Variants in KIAA0319 observed in about 807,000 individuals in gnomAD.
KIAA0319 encodes KIAA0319.
KIAA0319 carries 83 observed loss-of-function variants against 108.4 expected under a neutral mutation model. That is an observed-to-expected ratio of 0.77 (90% CI 0.64 to 0.92). The LOEUF (loss-of-function observed/expected upper bound fraction) is 0.92. Ranked by LOEUF, KIAA0319 falls within the 40% of genes least tolerant of loss-of-function variation. The pLI, the probability that KIAA0319 is intolerant of heterozygous loss-of-function variation, is 0.00. For synonymous variants in KIAA0319, 484 were observed against 510.4 expected, an observed-to-expected ratio of 0.95 and a Z score of 0.70; for missense variants, 1,195 against 1,322.4, an observed-to-expected ratio of 0.90 and a Z score of 1.49.
At chr6:24,609,302 A>G (rs1437111562) in intron 1 of KIAA0319, among the ~76,000 whole-genome samples, 2 of 150,600 alleles carry the variant, frequency 1.3e-5, no homozygotes, top group Admixed American at 1.3e-4. Context: ...AAAAAAAAAA[A>G]AGAAAGTCCG....
intron 3 of KIAA0319, among the ~76,000 whole-genome samples, chr6:24,590,789 G>A (rs1768354752): frequency 6.6e-6 from 1 of 152,134 alleles, no homozygotes; most frequent in Non-Finnish European, 1.5e-5. Flanking sequence ...TCTCCAGGCT[G>A]GAATCACATG....
chr6:24,639,642 G>A (rs1337001755), intron 1 of KIAA0319, among the ~76,000 whole-genome samples: 2 of 152,166 alleles, frequency 1.3e-5, no homozygotes, highest in Admixed American at 6.5e-5. Flanking sequence ...GAGGTCAGGA[G>A]TTTCAAACCA....
chr6:24,556,183 C>T (rs1359836626), intron 18 of KIAA0319, among the ~76,000 whole-genome samples: 1 of 150,870 alleles, frequency 6.6e-6, no homozygotes, highest in Non-Finnish European at 1.5e-5. Context: ...CCCTCCCCTC[C>T]TCTGCCCTCC....
At chr6:24,581,034 G>C (rs754593578) in intron 6 of KIAA0319, 21 bp from the exon 7 acceptor site, 1 of 1,513,332 alleles carries the variant, frequency 6.6e-7, no homozygotes, top group Non-Finnish European at 9.2e-7. Flanking sequence ...AAGAAAAGTT[G>C]TACAGTTCAA....
intron 1 of KIAA0319, among the ~76,000 whole-genome samples, chr6:24,605,355 T>C (rs1243362999): frequency 2.0e-5 from 3 of 152,232 alleles, no homozygotes; most frequent in Admixed American, 2.0e-4. Flanking sequence ...GATAGTTCTG[T>C]GAAGTTCATC....
At chr6:24,600,518 C>A in intron 2 of KIAA0319, 1 of 706,044 alleles carries the variant, frequency 1.4e-6, no homozygotes, top group Non-Finnish European at 2.5e-6. Flanking sequence ...TAACAAGGGT[C>A]TCGCTAAGGT....
At chr6:24,561,834 C>T (rs1371471042) in intron 16 of KIAA0319, among the ~76,000 whole-genome samples, 3 of 152,162 alleles carry the variant, frequency 2.0e-5, no homozygotes, top group African/African-American at 7.2e-5. Context: ...TCTTGAGTAG[C>T]TGGAATTACA....
intron 1 of KIAA0319, among the ~76,000 whole-genome samples, chr6:24,611,025 A>G (rs1360843718): frequency 6.6e-6 from 1 of 152,252 alleles, no homozygotes; most frequent in Non-Finnish European, 1.5e-5. Flanking sequence ...GCCAGAAGCC[A>G]GTCAGGAAGA....
intron 1 of KIAA0319, among the ~76,000 whole-genome samples, chr6:24,630,702 T>TATAC (rs1775462119): frequency 1.0e-5 from 1 of 98,392 alleles, no homozygotes; most frequent in African/African-American, 5.1e-5. Flanking sequence ...TATATATATA[T>TATAC]ACACATATAC....
chr6:24,598,989 C>T (rs183343344), intron 2 of KIAA0319: 13 of 675,244 alleles, frequency 1.9e-5, no homozygotes, highest in South Asian at 1.5e-4. Context: ...GGAGGAGTCT[C>T]GCCTGGAAGG....
intron 2 of KIAA0319, chr6:24,600,590 T>G: frequency 2.5e-6 from 3 of 1,190,186 alleles, no homozygotes; most frequent in Non-Finnish European, 3.6e-6. Flanking sequence ...TCTAGTCATA[T>G]CACCACCCTC....
chr6:24,560,753 C>T (rs1762999801), intron 16 of KIAA0319, among the ~76,000 whole-genome samples: 1 of 152,210 alleles, frequency 6.6e-6, no homozygotes, highest in South Asian at 2.1e-4. Flanking sequence ...GTCTCTTGTC[C>T]TCTTCTTAGA....
Position 24,571,322 on chromosome 6 carries a change from T to C in KIAA0319, c.1858+1253A>G, listed in dbSNP as rs370529550. Among the ~76,000 whole-genome samples the C allele has an allele frequency of 2.7e-5, 4 of 149,228 alleles. No homozygotes were observed. The South Asian group carries it at 6.4e-4, about 24-fold the overall frequency. On this transcript the variant is annotated intron_variant, in intron 11 of 20. Transcript: ENST00000378214. ...TTTGGGAGGCCAAAGGTGAGAGAACTGCTTGAGTCCAGGAGTTTGAGACCA... is the reference window on the plus strand; with the variant it reads ...TTTGGGAGGCCAAAGGTGAGAGAACCGCTTGAGTCCAGGAGTTTGAGACCA...
Position 24,596,067 on chromosome 6 carries a change from G to A in KIAA0319, c.607C>T (p.Pro203Ser). 1 of 1,614,068 alleles carries A rather than the reference G, an allele frequency of 6.2e-7. No individual in the cohort carries two copies. Residue 203 changes from proline to serine, a missense_variant, in exon 3 of 21, where the codon CCT (proline) becomes TCT (serine). Physicochemically the swap from Pro to Ser is moderately conservative, Grantham distance 74 (BLOSUM62 -1). Coordinates refer to ENST00000378214, the MANE Select transcript of KIAA0319 (RefSeq NM_014809.4). Reference sequence around the variant, plus strand: ...TGCTGCGTCTCCGCTGGCACCGCAGGACTGTCTCCAACAGAGGAGTTGAAG... The same window carrying A: ...TGCTGCGTCTCCGCTGGCACCGCAGAACTGTCTCCAACAGAGGAGTTGAAG... ...GAFNSSVGDSPAVPAETQQDP... is the reference protein window; with the variant it reads ...GAFNSSVGDSSAVPAETQQDP...
rs185604298 is a variant in KIAA0319 at position 24,593,697 on chromosome 6, G to A, written c.801+2176C>T. ...ATTACAGGCATGAGACACTGCTCCC[G>A]GCCCTGAATAATTATCTTTTAACAA... On this transcript the variant is annotated intron_variant, in intron 3 of 20. Coordinates refer to ENST00000378214, the MANE Select transcript of KIAA0319 (RefSeq NM_014809.4). 1.0e-3 allele frequency among the ~76,000 whole-genome samples: 158 copies of A among 151,334 alleles called. 1 individual carries two copies. The highest frequency in any genetic ancestry group is 6.8e-3 in the Admixed American group (103 of 15,180).
intron 2 of KIAA0319, chr6:24,597,932 A>AC (rs1372524891): frequency 7.2e-5 from 10 of 139,744 alleles, no homozygotes; most frequent in Non-Finnish European, 9.9e-5. Context: ...AAAAAAAAAA[A>AC]AAAAAAAAAA....
intron 1 of KIAA0319, among the ~76,000 whole-genome samples, chr6:24,639,190 G>A (rs910281301): frequency 1.1e-4 from 17 of 152,232 alleles, no homozygotes; most frequent in Non-Finnish European, 2.4e-4. Flanking sequence ...GTTCTGAGCC[G>A]GATTAAAGTA....
chr6:24,580,610 G>A (rs926497475), intron 7 of KIAA0319, among the ~76,000 whole-genome samples: 1 of 152,182 alleles, frequency 6.6e-6, no homozygotes, highest in African/African-American at 2.4e-5. Context: ...CTGCTTCGAA[G>A]GTGAAGCTGA....
At chr6:24,620,918 G>T (rs561758966) in intron 1 of KIAA0319, among the ~76,000 whole-genome samples, 2 of 152,154 alleles carry the variant, frequency 1.3e-5, no homozygotes, top group African/African-American at 2.4e-5. Context: ...GCACCTATGC[G>T]TATGCCTAGG....
Sources: allele counts gnomAD v4.1 joint callset (sites outside exome capture counted in the v4.1 genomes callset), GRCh38; gene constraint gnomAD v4.1.1; transcripts MANE v1.5; gene names NCBI Gene and HGNC (gene_info 2026-07-23, HGNC 2026-07-21).